Variants in MTUS2 observed in about 807,000 individuals in gnomAD.
MTUS2 encodes the protein microtubule-associated tumor suppressor candidate 2.
MTUS2 carries 40 observed loss-of-function variants against 114.1 expected under a neutral mutation model. The observed-to-expected ratio is 0.35, with a 90% CI of 0.27 to 0.46. The LOEUF is 0.46. Ranked by LOEUF, MTUS2 falls within the 20% of genes least tolerant of loss-of-function variation. The probability of loss-of-function intolerance (pLI) is 1.00; values close to 1 mark genes in which losing one functional copy is unlikely to be tolerated. For synonymous variants in MTUS2, 688 were observed against 672.0 expected (o/e 1.02, Z -0.37); for missense variants, 1,679 against 1,705.4 (o/e 0.98, Z 0.27).
intron 2 of MTUS2, among the ~76,000 whole-genome samples, chr13:28,983,954 C>T (rs1822462507): frequency 6.6e-6 from 1 of 152,198 alleles, no homozygotes; most frequent in Admixed American, 6.5e-5. Flanking sequence ...TCTTGCTTTG[C>T]TCTGGATTCT....
intron 2 of MTUS2, among the ~76,000 whole-genome samples, chr13:29,020,771 C>G (rs1299678926): frequency 5.3e-5 from 8 of 151,410 alleles, no homozygotes; most frequent in East Asian, 3.9e-4. Flanking sequence ...AAATGTGTCC[C>G]AGCTCTGCCA....
rs1317179331 is a variant in MTUS2 at position 29,104,919 on chromosome 13, A to T, written c.2644+3949A>T. On this transcript the variant is annotated intron_variant, in intron 5 of 15. Coordinates refer to ENST00000612955, the MANE Select transcript of MTUS2 (RefSeq NM_001033602.4). Reference sequence around the variant, plus strand: ...CCCAAATATACTTTAGGTGATAGAAACTTACTGATAAAAATAATGACCGTA... The same window carrying T: ...CCCAAATATACTTTAGGTGATAGAATCTTACTGATAAAAATAATGACCGTA... 3.3e-5 allele frequency among the ~76,000 whole-genome samples: 5 copies of T among 152,330 alleles called. No homozygotes were observed. In the East Asian group the frequency reaches 7.7e-4, roughly 23 times the overall value.
chr13:29,345,719 T>G (rs753606600), intron 7 of MTUS2, among the ~76,000 whole-genome samples: 25 of 152,230 alleles, frequency 1.6e-4, no homozygotes, highest in Non-Finnish European at 2.5e-4. Context: ...TTGGGGATGT[T>G]AAAGAATCTT....
intron 2 of MTUS2, among the ~76,000 whole-genome samples, chr13:29,016,744 T>C (rs1377028322): frequency 1.3e-5 from 2 of 152,204 alleles, no homozygotes; most frequent in Non-Finnish European, 2.9e-5. Context: ...TAGAATAAAA[T>C]GCGATATGCT....
rs1462668949 is a variant in MTUS2 at position 29,012,103 on chromosome 13, G to A, written c.-242-12354G>A. Among the ~76,000 whole-genome samples the A allele has an allele frequency of 5.9e-5, 9 of 152,304 alleles. No individual in the cohort carries two copies. In the East Asian group the frequency reaches 1.7e-3, roughly 29 times the overall value. On this transcript the variant is annotated intron_variant, in intron 2 of 15. Coordinates refer to ENST00000612955, the MANE Select transcript of MTUS2 (RefSeq NM_001033602.4). ...CCTGAGGTTTATAGCCTGCAGTCCT[G>A]TAGATAAGGGAGGGTCCTGTGCCAC...
intron 2 of MTUS2, among the ~76,000 whole-genome samples, chr13:28,958,671 C>G (rs771894998): frequency 6.6e-6 from 1 of 152,208 alleles, no homozygotes; most frequent in Non-Finnish European, 1.5e-5. Context: ...CAGGCAATTA[C>G]AGGAACTTCC....
chr13:29,259,083 A>G (rs1366495147), intron 5 of MTUS2, among the ~76,000 whole-genome samples: 2 of 152,346 alleles, frequency 1.3e-5, no homozygotes, highest in Non-Finnish European at 2.9e-5. Flanking sequence ...ACATTCTTCA[A>G]TTGCATGTAT....
At chr13:28,840,274 G>C (rs1019658259) in intron 2 of MTUS2, among the ~76,000 whole-genome samples, 3 of 152,140 alleles carry the variant, frequency 2.0e-5, no homozygotes, top group Non-Finnish European at 4.4e-5. Flanking sequence ...GAGAGAAGAC[G>C]ACCAGACTGG....
In MTUS2 at chr13:28,836,354, G is replaced by C. The variant is rs544624694; in HGVS notation, c.-315-3424G>C. 2.0e-5 allele frequency among the ~76,000 whole-genome samples: 3 copies of C among 152,288 alleles called. No homozygotes were observed. The South Asian group carries it at 6.2e-4, about 32-fold the overall frequency. Reference sequence around the variant, plus strand: ...AAGAGTGATTTTCATGAAAGTAGATGCAAAGCTTTCAGAGACACAGCATGG... The same window carrying C: ...AAGAGTGATTTTCATGAAAGTAGATCCAAAGCTTTCAGAGACACAGCATGG... On this transcript the variant is annotated intron_variant, in intron 1 of 15. Coordinates refer to ENST00000612955, the MANE Select transcript of MTUS2 (RefSeq NM_001033602.4).
chr13:29,501,653 C>T (rs1160524088), intron 15 of MTUS2, among the ~76,000 whole-genome samples: 1 of 152,206 alleles, frequency 6.6e-6, no homozygotes. Context: ...TCACACAGCA[C>T]AATGCGGGGA....
At chr13:29,228,353 C>A (rs1222495725) in intron 5 of MTUS2, among the ~76,000 whole-genome samples, 2 of 152,198 alleles carry the variant, frequency 1.3e-5, no homozygotes. Context: ...TGGGATCTCA[C>A]TCTGTTGCCC....
intron 5 of MTUS2, among the ~76,000 whole-genome samples, chr13:29,227,138 A>C (rs1896138242): frequency 6.6e-6 from 1 of 151,922 alleles, no homozygotes; most frequent in South Asian, 2.1e-4. Flanking sequence ...GTGTGCCTGT[A>C]ATACGAGCTA....
intron 9 of MTUS2, among the ~76,000 whole-genome samples, chr13:29,454,087 T>C (rs1878936424): frequency 6.6e-6 from 1 of 152,218 alleles, no homozygotes; most frequent in Non-Finnish European, 1.5e-5. Context: ...GCACTTTTTC[T>C]TTTTCGGTCA....
chr13:29,158,358 C>CCCCCCCTCCTTTTT, intron 5 of MTUS2, among the ~76,000 whole-genome samples: 1 of 32,050 alleles, frequency 3.1e-5, no homozygotes, highest in Non-Finnish European at 5.1e-5. Context: ...GTCCACCCCG[C>CCCCCCCTCCTTTTT]TTTTTTTTTT....
chr13:28,984,003 C>G (rs1017989870), intron 2 of MTUS2, among the ~76,000 whole-genome samples: 4 of 152,210 alleles, frequency 2.6e-5, no homozygotes, highest in Admixed American at 1.3e-4. Context: ...TTCTCACCCA[C>G]TTTGTTTCTT....
chr13:29,108,272 A>T (rs1890749091), intron 5 of MTUS2, among the ~76,000 whole-genome samples: 1 of 152,190 alleles, frequency 6.6e-6, no homozygotes, highest in Admixed American at 6.5e-5. Context: ...TGCCTGTTTG[A>T]TGTTACTCTT....
At chr13:29,030,707 T>C (rs1886776431) in intron 3 of MTUS2, among the ~76,000 whole-genome samples, 1 of 152,156 alleles carries the variant, frequency 6.6e-6, no homozygotes, top group African/African-American at 2.4e-5. Context: ...AATGGAAGTA[T>C]TTTTCAGTTA....
intron 10 of MTUS2, among the ~76,000 whole-genome samples, chr13:29,486,222 C>T (rs985929369): frequency 1.3e-5 from 2 of 152,116 alleles, no homozygotes; most frequent in African/African-American, 4.8e-5. Context: ...TGCACCACGT[C>T]CGTTCTCACA....
At chr13:29,113,091 C>A (rs1035929544) in intron 5 of MTUS2, among the ~76,000 whole-genome samples, 4 of 152,116 alleles carry the variant, frequency 2.6e-5, no homozygotes, top group Non-Finnish European at 4.4e-5. Context: ...GTAGATCCCA[C>A]GTCTCTCCAA....
Sources: allele counts gnomAD v4.1 joint callset (sites outside exome capture counted in the v4.1 genomes callset), GRCh38; gene constraint gnomAD v4.1.1; transcripts MANE v1.5; gene names NCBI Gene and HGNC (gene_info 2026-07-23, HGNC 2026-07-21).